The following NRXN3 variants were observed in gnomAD, a reference collection of about 807,000 sequenced individuals.
NRXN3 encodes the protein neurexin 3.
A neutral mutation model predicts 137.6 loss-of-function variants in NRXN3; 32 were observed. That is an observed-to-expected ratio of 0.23 (90% CI 0.18 to 0.31). The LOEUF is 0.31. Ranked by LOEUF, NRXN3 falls within the 10% of genes least tolerant of loss-of-function variation. NRXN3 has a pLI of 1.00. For missense variants in NRXN3, 1,574 were observed against 2,062.5 expected (o/e 0.76, Z 4.59); for synonymous variants, 798 against 784.5 (o/e 1.02, Z -0.29).
chr14:78,192,836 G>C (rs78711905), intron 1 of NRXN3, among the ~76,000 whole-genome samples: 4 of 152,148 alleles, frequency 2.6e-5, no homozygotes, highest in Non-Finnish European at 4.4e-5. Flanking sequence ...TTGAACCTTC[G>C]CATTTTTCTC....
Position 79,448,440 on chromosome 14 carries a change from A to C in NRXN3, c.3263-18781A>C, listed in dbSNP as rs144021393. On this transcript the variant is annotated intron_variant, in intron 15 of 20. Transcript: ENST00000335750. ...CTATCATTATTAGAGTATGATCTCT[A>C]TTAAGTCAAGGACTTTGCTAGTTCC... Among the ~76,000 whole-genome samples the C allele has an allele frequency of 6.6e-5, 10 of 152,334 alleles. No individual in the cohort carries two copies. The South Asian group carries it at 2.1e-3, about 32-fold the overall frequency.
Position 78,566,139 on chromosome 14 carries a change from G to A in NRXN3, c.758-78981G>A, listed in dbSNP as rs76019172. 7.4e-3 allele frequency among the ~76,000 whole-genome samples: 1,118 copies of A among 152,086 alleles called. 62 individuals carry two copies. In the East Asian group the frequency reaches 0.14, roughly 19 times the overall value. On this transcript the variant is annotated intron_variant, in intron 4 of 20. Transcript: ENST00000335750. ...TGAGAGCCTGTGTTAAGCTCATGCCGGCTCTCCCACCCCGCCCCCAACGCC... is the reference window on the plus strand; with the variant it reads ...TGAGAGCCTGTGTTAAGCTCATGCCAGCTCTCCCACCCCGCCCCCAACGCC...
intron 15 of NRXN3, among the ~76,000 whole-genome samples, chr14:79,392,504 A>G (rs1307751393): frequency 6.6e-6 from 1 of 152,190 alleles, no homozygotes; most frequent in African/African-American, 2.4e-5. Flanking sequence ...TTGGGTATAT[A>G]CCCAGTAATG....
chr14:78,352,433 GC>G (rs150803765), intron 4 of NRXN3, among the ~76,000 whole-genome samples: 3,849 of 152,154 alleles, frequency 0.025, 70 homozygotes, highest in Non-Finnish European at 0.034. Flanking sequence ...ACTTTACCCT[GC>G]CCCCATGCCC....
chr14:78,970,866 C>T (rs114053996), intron 14 of NRXN3, among the ~76,000 whole-genome samples: 1 of 152,268 alleles, frequency 6.6e-6, no homozygotes, highest in African/African-American at 2.4e-5. Flanking sequence ...TGGTGAGTCC[C>T]ATGAGCCTAA....
chr14:78,326,073 G>C (rs1288686886), intron 4 of NRXN3, among the ~76,000 whole-genome samples: 1 of 152,164 alleles, frequency 6.6e-6, no homozygotes, highest in Non-Finnish European at 1.5e-5. Context: ...CTGCTAGCCT[G>C]TTGGAATGTT....
intron 8 of NRXN3, among the ~76,000 whole-genome samples, chr14:78,725,746 G>A (rs1205748047): frequency 1.3e-5 from 2 of 152,218 alleles, no homozygotes; most frequent in Non-Finnish European, 2.9e-5. Context: ...AAGGACCTCT[G>A]AGGTTTTTGA....
In NRXN3 at chr14:78,955,832, T is replaced by A. The variant is rs2099395904; in HGVS notation, c.2276-1410T>A. Among the ~76,000 whole-genome samples the A allele has an allele frequency of 2.0e-5, 3 of 152,266 alleles. No homozygotes were observed. The South Asian group carries it at 6.2e-4, about 32-fold the overall frequency. On this transcript the variant is annotated intron_variant, in intron 10 of 20. Transcript: ENST00000335750. ...GGTGTAGTTTGAAATTACCTAGAGA[T>A]TTATATTCCCCTGTATAAAATGTCT...
chr14:79,476,557 C>T (rs889054519), intron 16 of NRXN3, among the ~76,000 whole-genome samples: 1 of 152,038 alleles, frequency 6.6e-6, no homozygotes, highest in African/African-American at 2.4e-5. Flanking sequence ...TTTCCTCCTC[C>T]ATTTCTGTAA....
rs77447295 is a variant in NRXN3 at position 78,343,890 on chromosome 14, G to A, written c.757+46030G>A. Among the ~76,000 whole-genome samples the A allele has an allele frequency of 7.8e-3, 1,195 of 152,332 alleles. 13 individuals carry two copies. The highest frequency in any genetic ancestry group is 0.027 in the African/African-American group (1,126 of 41,572). On this transcript the variant is annotated intron_variant, in intron 4 of 20. Coordinates refer to ENST00000335750, the MANE Select transcript of NRXN3 (RefSeq NM_001330195.2). ...CCCCAGGAGATTCAGTTGCAATGAA[G>A]GTTGAACACATGGCTTTAAGCTCCC...
intron 19 of NRXN3, among the ~76,000 whole-genome samples, chr14:79,786,501 G>A (rs1427180894): frequency 6.6e-6 from 1 of 152,160 alleles, no homozygotes; most frequent in Non-Finnish European, 1.5e-5. Flanking sequence ...TTGCTTATGT[G>A]GGAAATTAAG....
rs1295952377 is a variant in NRXN3, at chr14:79,760,119, A to G, written c.4015-44993A>G. Among the ~76,000 whole-genome samples the G allele has an allele frequency of 1.3e-5, 2 of 151,728 alleles. 1 individual carries two copies. Among genetic ancestry groups the G allele is most frequent in the African/African-American group, 4.9e-5 (2 of 40,988 alleles). ...AATTTCCAACTGAGTACATCAGCAC[A>G]TAAAATACACTTGTCCAAGGTAAAA... On this transcript the variant is annotated intron_variant, in intron 19 of 20. Transcript: ENST00000335750.
At position 79,386,189 on chromosome 14, in the gene NRXN3, G is replaced by A. The variant is rs144253761; in HGVS notation, c.3263-81032G>A. Among the ~76,000 whole-genome samples, 16 of 152,270 alleles carry A rather than the reference G, an allele frequency of 1.1e-4. No individual in the cohort carries two copies. In the East Asian group the frequency reaches 2.7e-3, roughly 26 times the overall value. ...GTCCCTGTTTGCAGATGACATGACT[G>A]TATATCTAGAAAGCCCCATCATCTC... On this transcript the variant is annotated intron_variant, in intron 15 of 20. Coordinates refer to ENST00000335750, the MANE Select transcript of NRXN3 (RefSeq NM_001330195.2).
intron 16 of NRXN3, among the ~76,000 whole-genome samples, chr14:79,632,897 T>C (rs1015889448): frequency 6.6e-6 from 1 of 152,206 alleles, no homozygotes; most frequent in Non-Finnish European, 1.5e-5. Context: ...ACAGCTTTTA[T>C]AGCACTAACA....
At chr14:79,460,270 C>T (rs2096313943) in intron 15 of NRXN3, among the ~76,000 whole-genome samples, 1 of 152,026 alleles carries the variant, frequency 6.6e-6, no homozygotes, top group African/African-American at 2.4e-5. Context: ...CATAATGTTC[C>T]CATCAAAAGT....
chr14:79,857,060 TG>T (rs200825100), intron 20 of NRXN3, among the ~76,000 whole-genome samples: 1,989 of 152,310 alleles, frequency 0.013, 57 homozygotes, highest in African/African-American at 0.045. Flanking sequence ...TTTGCTTCCA[TG>T]AATACTTTTG....
At chr14:79,701,433 G>T (rs985199626) in intron 19 of NRXN3, among the ~76,000 whole-genome samples, 2 of 152,082 alleles carry the variant, frequency 1.3e-5, no homozygotes, top group Admixed American at 6.6e-5. Context: ...TTTGCCTGGA[G>T]GGTCTGGCTT....
chr14:79,525,600 A>G (rs961631555), intron 16 of NRXN3, among the ~76,000 whole-genome samples: 1 of 152,220 alleles, frequency 6.6e-6, no homozygotes, highest in Admixed American at 6.5e-5. Flanking sequence ...CTCTTTGCAT[A>G]TCACTGAAGG....
At position 78,913,347 on chromosome 14, in the gene NRXN3, T is replaced by A. The variant is rs1203191226; in HGVS notation, c.2276-43895T>A. Among the ~76,000 whole-genome samples the A allele has an allele frequency of 3.7e-5, 5 of 134,786 alleles. No homozygotes were observed. In the East Asian group the frequency reaches 1.3e-3, roughly 35 times the overall value. The allele number at this position is 134,786 out of a possible 152,430, so 88.4% of individuals were successfully genotyped here. A position where few individuals can be genotyped will look rare whatever the true frequency, so the allele number is the denominator to read the frequency against. On this transcript the variant is annotated intron_variant, in intron 10 of 20. Coordinates refer to ENST00000335750, the MANE Select transcript of NRXN3 (RefSeq NM_001330195.2). The stretch of plus-strand genomic sequence containing the variant: ...TAGGCTGGAGTGTAGTGGCGCAATC[T>A]CAGTCCACTGCAACCTCCACCTCCC...
Sources: gnomAD v4.1 joint callset for allele counts (sites outside exome capture counted in the v4.1 genomes callset) on GRCh38, gnomAD v4.1.1 for gene constraint, MANE v1.5 for transcripts, NCBI Gene and HGNC (gene_info 2026-07-23, HGNC 2026-07-21) for gene names.